PHACTR2: variants seen among roughly 807,000 people sequenced by gnomAD.
PHACTR2 encodes the protein chromosome 6 open reading frame 56.
In PHACTR2, 30 loss-of-function variants were observed where a neutral mutation model predicts 76.0. The ratio of observed to expected loss-of-function variants is 0.39; its 90% CI spans 0.30 to 0.54. The LOEUF (loss-of-function observed/expected upper bound fraction) is 0.54. Ranked by LOEUF, PHACTR2 falls within the 20% of genes least tolerant of loss-of-function variation. The pLI is 0.61. For missense variants in PHACTR2, 696 were observed against 781.1 expected, an observed-to-expected ratio of 0.89 and a Z score of 1.30; for synonymous variants, 292 against 292.5, an observed-to-expected ratio of 1.00 and a Z score of 0.02.
rs1776907530 is a variant in PHACTR2, at chr6:143,659,394, T to G, written c.13+51072T>G. ...TGAGGGTGTCAGGGTCTCATGAAGC[T>G]GCAGTCAAGGTGTCAGTAGGGATGT... On this transcript the variant is annotated intron_variant, in intron 1 of 11. Coordinates refer to the PHACTR2 transcript ENST00000305766. The surrounding 1 kb of genome is among the most constrained non-coding windows in gnomAD (Gnocchi z 5.0). 6.6e-6 allele frequency among the ~76,000 whole-genome samples: 1 copy of G among 152,216 alleles called. No homozygotes were observed.
chr6:143,808,574 C>G (rs1310958272), intron 12 of PHACTR2, among the ~76,000 whole-genome samples: 4 of 151,968 alleles, frequency 2.6e-5, no homozygotes, highest in Non-Finnish European at 5.9e-5. Flanking sequence ...TTAAAGTATA[C>G]AAGAGGATGG....
Position 143,807,013 on chromosome 6 carries a change from G to T in PHACTR2, c.1846-44G>T. The T allele has an allele frequency of 9.5e-7, 1 of 1,054,326 alleles. No homozygotes were observed. The highest frequency in any genetic ancestry group is 1.3e-5 in the South Asian group (1 of 74,736). The allele number at this position is 1,054,326 out of a possible 1,614,324, so 65.3% of individuals were successfully genotyped here. A position where few individuals can be genotyped will look rare whatever the true frequency, so the allele number is the denominator to read the frequency against. ...TGCTGTATATACTGGGGCAATATAT[G>T]ACCTAAATAACAGTTCTGTTTATCT... On this transcript the variant is annotated intron_variant, in intron 11 of 12. Transcript: ENST00000440869. The surrounding 1 kb of genome is among the most constrained non-coding windows in gnomAD (Gnocchi z 5.5).
At chr6:143,593,399 A>G (rs1775714768) in intron 1 of PHACTR2, among the ~76,000 whole-genome samples, 1 of 152,086 alleles carries the variant, frequency 6.6e-6, no homozygotes, top group African/African-American at 2.4e-5. Flanking sequence ...CTCAGTTGAA[A>G]CTGGAAGGAT....
chr6:143,576,639 G>A (rs1318711415), intron 1 of PHACTR2, among the ~76,000 whole-genome samples: 4 of 152,140 alleles, frequency 2.6e-5, no homozygotes, highest in African/African-American at 9.7e-5. Context: ...CACTTTGGGA[G>A]GCAGAGGTGG....
intron 1 of PHACTR2, among the ~76,000 whole-genome samples, chr6:143,590,286 A>G (rs1775675681): frequency 6.6e-6 from 1 of 152,148 alleles, no homozygotes; most frequent in Admixed American, 6.5e-5. Flanking sequence ...GGAACTCACC[A>G]CCATGAAGAT....
intron 1 of PHACTR2, among the ~76,000 whole-genome samples, chr6:143,650,446 A>C (rs1034052695): frequency 6.6e-6 from 1 of 152,188 alleles, no homozygotes; most frequent in Admixed American, 6.5e-5. Flanking sequence ...ACAAAACTAC[A>C]GTAACAAAAA....
At chr6:143,691,583 T>TA (rs1376567676) in intron 1 of PHACTR2, among the ~76,000 whole-genome samples, 1 of 152,226 alleles carries the variant, frequency 6.6e-6, no homozygotes. Flanking sequence ...AATATATAGT[T>TA]ACATTCGAAG....
Position 143,823,070 on chromosome 6 carries a change from AT to A in PHACTR2, c.1923-599del, listed in dbSNP as rs1776457861. 6.6e-6 allele frequency among the ~76,000 whole-genome samples: 1 copy of A among 152,256 alleles called. No homozygotes were observed. The highest frequency in any genetic ancestry group is 2.4e-5 in the African/African-American group (1 of 41,470). On this transcript the variant is annotated intron_variant, in intron 12 of 12. Transcript: ENST00000440869. The surrounding 1 kb of genome is among the most constrained non-coding windows in gnomAD (Gnocchi z 5.7). ...AATCTGAGGTTTCTAGACCAAAAAT[AT>A]TTTTAAAGATAGAATATTAAATAAG...
At chr6:143,638,979 A>G (rs996752397) in intron 1 of PHACTR2, among the ~76,000 whole-genome samples, 6 of 152,158 alleles carry the variant, frequency 3.9e-5, no homozygotes, top group Non-Finnish European at 8.8e-5. Context: ...CTTCCCCAAA[A>G]CTATGAATGA....
chr6:143,725,671 C>A (rs569977709), intron 2 of PHACTR2, among the ~76,000 whole-genome samples: 2 of 151,566 alleles, frequency 1.3e-5, no homozygotes, highest in Non-Finnish European at 2.9e-5. Context: ...CCCGTCTCTA[C>A]GAAAAATACA....
rs1046996997 is a variant in PHACTR2, at chr6:143,775,784, A to C, written c.1590-1544A>C. Reference sequence around the variant, plus strand: ...CATAGTAAGGAGTAAAAAAGTGTGAAGTATCCTATACCCACCTCAATAAAT... The same window carrying C: ...CATAGTAAGGAGTAAAAAAGTGTGACGTATCCTATACCCACCTCAATAAAT... On this transcript the variant is annotated intron_variant, in intron 8 of 12. Coordinates refer to ENST00000440869, the MANE Select transcript of PHACTR2 (RefSeq NM_001100164.2). The surrounding 1 kb of genome is among the most constrained non-coding windows in gnomAD (Gnocchi z 4.4). Among the ~76,000 whole-genome samples, 1 of 152,234 alleles carries C rather than the reference A, an allele frequency of 6.6e-6. No individual in the cohort carries two copies. The highest frequency in any genetic ancestry group is 1.5e-5 in the Non-Finnish European group (1 of 68,050).
intron 1 of PHACTR2, among the ~76,000 whole-genome samples, chr6:143,551,287 C>T (rs1002300546): frequency 2.0e-5 from 3 of 149,666 alleles, no homozygotes; most frequent in African/African-American, 7.3e-5. Flanking sequence ...TCATACATAC[C>T]TATGATAGAG....
At chr6:143,770,594 G>T (rs1775078526) in intron 6 of PHACTR2, among the ~76,000 whole-genome samples, 1 of 152,152 alleles carries the variant, frequency 6.6e-6, no homozygotes, top group Non-Finnish European at 1.5e-5. Context: ...TCTGATAAGT[G>T]AGAAACAAAA....
At chr6:143,540,852 C>T (rs910564304) in intron 1 of PHACTR2, among the ~76,000 whole-genome samples, 10 of 152,262 alleles carry the variant, frequency 6.6e-5, no homozygotes, top group African/African-American at 1.9e-4. Context: ...TTTATAAAAA[C>T]GTGGATTCAT....
chr6:143,767,525 C>T lies in PHACTR2; in HGVS notation c.1232+1727C>T, dbSNP rs1779587106. Among the ~76,000 whole-genome samples the T allele has an allele frequency of 6.6e-6, 1 of 152,094 alleles. No homozygotes were observed. Among genetic ancestry groups the T allele is most frequent in the African/African-American group, 2.4e-5 (1 of 41,406 alleles). On this transcript the variant is annotated intron_variant, in intron 6 of 12. Transcript: ENST00000440869. The surrounding 1 kb of genome is among the most constrained non-coding windows in gnomAD (Gnocchi z 4.4). Reference sequence around the variant, plus strand: ...TGAAATGAACGGTTATGGTGTCTTTCTTAGGACATTTTGTGCTGCTGTAAT... The same window carrying T: ...TGAAATGAACGGTTATGGTGTCTTTTTTAGGACATTTTGTGCTGCTGTAAT...
At chr6:143,593,046 C>CAAAAAAAAAA (rs67052242) in intron 1 of PHACTR2, among the ~76,000 whole-genome samples, 1 of 78,888 alleles carries the variant, frequency 1.3e-5, no homozygotes, top group Non-Finnish European at 2.4e-5. Context: ...GACCCTGCCT[C>CAAAAAAAAAA]AAAAAAAAAA....
chr6:143,759,423 G>A (rs1562296108), intron 4 of PHACTR2, among the ~76,000 whole-genome samples: 1 of 152,154 alleles, frequency 6.6e-6, no homozygotes, highest in Admixed American at 6.5e-5. Context: ...GGAGGCCAAG[G>A]CAGGCAAATT....
chr6:143,549,724 G>A lies in PHACTR2; in HGVS notation c.217+12517G>A, dbSNP rs1192935756. On this transcript the variant is annotated intron_variant, in intron 1 of 11. Coordinates refer to the PHACTR2 transcript ENST00000367584. The surrounding 1 kb of genome is among the most constrained non-coding windows in gnomAD (Gnocchi z 4.2). ...GCCACTCCTCCCTTCTTCTGCACAC[G>A]CCTACTTTAACAGTTGCTCATTGAG... Among the ~76,000 whole-genome samples, 6 of 151,882 alleles carry A rather than the reference G, an allele frequency of 4.0e-5. No individual in the cohort carries two copies. Among genetic ancestry groups the A allele is most frequent in the African/African-American group, 7.3e-5 (3 of 41,366 alleles).
chr6:143,780,784 T>G lies in PHACTR2; in HGVS notation c.1646-2435T>G, dbSNP rs979913101. ...GATGAGAGTCACTGAGAGCAAGATT[T>G]GTCAATGAACCACGTCACTTCCTTC... On this transcript the variant is annotated intron_variant, in intron 9 of 12. Transcript: ENST00000440869. The surrounding 1 kb of genome is among the most constrained non-coding windows in gnomAD (Gnocchi z 4.4). Among the ~76,000 whole-genome samples, 6 of 152,234 alleles carry G rather than the reference T, an allele frequency of 3.9e-5. No individual in the cohort carries two copies. The highest frequency in any genetic ancestry group is 8.8e-5 in the Non-Finnish European group (6 of 68,048).
Sources: allele counts gnomAD v4.1 joint callset (sites outside exome capture counted in the v4.1 genomes callset), GRCh38; gene constraint gnomAD v4.1.1; non-coding constraint Gnocchi (gnomAD v3.1); transcripts MANE v1.5; gene names NCBI Gene and HGNC (gene_info 2026-07-23, HGNC 2026-07-21).